PPP6R2: variants seen among roughly 807,000 people sequenced by gnomAD.
PPP6R2 encodes the protein protein phosphatase 6 regulatory subunit 2.
A neutral mutation model predicts 100.2 loss-of-function variants in PPP6R2; 62 were observed. The observed-to-expected ratio is 0.62, with a 90% confidence interval of 0.50 to 0.76. The LOEUF is 0.76. Among genes scored for constraint, PPP6R2 ranks in the 30% least tolerant of loss-of-function variants. The probability of loss-of-function intolerance (pLI) is 0.00; values close to 1 mark genes in which losing one functional copy is unlikely to be tolerated. For synonymous variants in PPP6R2, 525 were observed against 514.7 expected (o/e 1.02, Z -0.27); for missense variants, 1,142 against 1,276.3 (o/e 0.89, Z 1.60).
intron 2 of PPP6R2, among the ~76,000 whole-genome samples, chr22:50,384,030 C>T (rs549808731): frequency 6.9e-4 from 84 of 121,896 alleles, no homozygotes; most frequent in Admixed American, 3.3e-3. Flanking sequence ...AGCGAGACTC[C>T]ATCTCAAAAA....
chr22:50,435,303 G>C (rs2063984548), intron 13 of PPP6R2, among the ~76,000 whole-genome samples: 1 of 152,220 alleles, frequency 6.6e-6, no homozygotes, highest in African/African-American at 2.4e-5. Flanking sequence ...TGGAGACCCT[G>C]CCAGGCGTCA....
At chr22:50,442,177 C>T (rs772433164) in intron 22 of PPP6R2, among the ~76,000 whole-genome samples, 63 of 152,348 alleles carry the variant, frequency 4.1e-4, no homozygotes, top group South Asian at 4.1e-4. Context: ...ACCTGTACTA[C>T]CCTTCCCCCA....
In PPP6R2 at chr22:50,423,419, C is replaced by A; in HGVS notation, c.973-43C>A. Reference sequence around the variant, plus strand: ...CCCAGAGACTCCAGCAGTGGCCTCACTGCTCACAGGGCCTAACTGGGTGGT... The same window carrying A: ...CCCAGAGACTCCAGCAGTGGCCTCAATGCTCACAGGGCCTAACTGGGTGGT... On this transcript the variant is annotated intron_variant, in intron 9 of 23. Coordinates refer to ENST00000612753, the MANE Select transcript of PPP6R2 (RefSeq NM_001242898.2). This position sits in a 1 kb window ranked among gnomAD's most constrained non-coding sequence, Gnocchi z 4.8. 6.2e-7 allele frequency: 1 copy of A among 1,611,050 alleles called. No individual in the cohort carries two copies.
At chr22:50,370,960 C>G (rs2050078755) in intron 1 of PPP6R2, among the ~76,000 whole-genome samples, 1 of 152,130 alleles carries the variant, frequency 6.6e-6, no homozygotes, top group Admixed American at 6.5e-5. Flanking sequence ...TCTAAGAAAC[C>G]CTTTGTAGAG....
At chr22:50,409,816 T>G (rs930742793) in intron 4 of PPP6R2, among the ~76,000 whole-genome samples, 1 of 152,132 alleles carries the variant, frequency 6.6e-6, no homozygotes, top group African/African-American at 2.4e-5. Context: ...AACCTCTGCC[T>G]CCAGGGTTCA....
intron 3 of PPP6R2, among the ~76,000 whole-genome samples, chr22:50,401,498 G>A (rs1462344117): frequency 7.1e-6 from 1 of 141,448 alleles, no homozygotes; most frequent in Non-Finnish European, 1.5e-5. Context: ...GAGCCACCGC[G>A]CCAGGCCAAT....
At chr22:50,419,123 A>G (rs1303136698) in intron 7 of PPP6R2, 144 bp downstream of exon 7, 16 of 784,010 alleles carry the variant, frequency 2.0e-5, no homozygotes, top group Admixed American at 7.5e-5. Context: ...GCCCATGTTA[A>G]CTTGGGGCCT....
At chr22:50,334,799 C>T in the PPP6R2 span, among the ~76,000 whole-genome samples, 1 of 152,048 alleles carries the variant, frequency 6.6e-6, no homozygotes, top group Non-Finnish European at 1.5e-5. Flanking sequence ...AACTCTGTCT[C>T]TACTAAAAAT....
At chr22:50,357,583 C>T (rs2046879961) in intron 1 of PPP6R2, among the ~76,000 whole-genome samples, 1 of 151,874 alleles carries the variant, frequency 6.6e-6, no homozygotes, top group Admixed American at 6.6e-5. Flanking sequence ...CAGCTTCAAA[C>T]TCCTAGGATC....
intron 2 of PPP6R2, among the ~76,000 whole-genome samples, chr22:50,382,448 C>T (rs764871849): frequency 1.2e-4 from 18 of 150,758 alleles, no homozygotes; most frequent in Non-Finnish European, 2.4e-4. Context: ...AATACAAAAA[C>T]TAAGCCAGGC....
chr22:50,339,526 TGGTGTGTGG>T (rs2042344685), upstream of PPP6R2, among the ~76,000 whole-genome samples: 2 of 118,732 alleles, frequency 1.7e-5, no homozygotes, highest in African/African-American at 3.3e-5. Context: ...GTGTGGTATG[TGGTGTGTGG>T]TGTGTGTGTG....
At chr22:50,367,683 C>T (rs1476569080) in intron 1 of PPP6R2, among the ~76,000 whole-genome samples, 1 of 152,168 alleles carries the variant, frequency 6.6e-6, no homozygotes, top group Non-Finnish European at 1.5e-5. Flanking sequence ...GGATAAATTA[C>T]AATAAATATA....
At chr22:50,432,360 G>T (rs1002228889) in intron 12 of PPP6R2, 31 bp downstream of exon 12, 2 of 1,537,302 alleles carry the variant, frequency 1.3e-6, no homozygotes, top group Non-Finnish European at 1.8e-6. Flanking sequence ...GAGGGACCCA[G>T]CCTGGCCAGT....
intron 12 of PPP6R2, 134 bp from the exon 13 acceptor site, chr22:50,434,832 C>T (rs1173862616): frequency 1.0e-5 from 7 of 700,450 alleles, no homozygotes; most frequent in Middle Eastern, 2.6e-4. Flanking sequence ...GGGCCGGGGG[C>T]GCGGACACTG....
upstream of PPP6R2, among the ~76,000 whole-genome samples, chr22:50,339,556 G>GCAT (rs2042345638): frequency 8.2e-6 from 1 of 121,964 alleles, no homozygotes; most frequent in African/African-American, 3.2e-5. Context: ...GTGTGTGTGT[G>GCAT]GTGTGTGTGG....
chr22:50,354,687 A>G (rs2046069014), intron 1 of PPP6R2, among the ~76,000 whole-genome samples: 1 of 151,684 alleles, frequency 6.6e-6, no homozygotes. Context: ...TTAGCCGGGC[A>G]TGGTGGCAAG....
chr22:50,438,583 T>C lies in PPP6R2; in HGVS notation c.1965-16T>C, dbSNP rs777211234. On this transcript the variant is annotated splice_polypyrimidine_tract_variant and intron_variant, in intron 18 of 23. Coordinates refer to ENST00000612753, the MANE Select transcript of PPP6R2 (RefSeq NM_001242898.2). ...CGTCCTGGGCCACCAGACATCTGACTCTGAATCTCCCCCAGGTTTGGAGCC... is the reference window on the plus strand; with the variant it reads ...CGTCCTGGGCCACCAGACATCTGACCCTGAATCTCCCCCAGGTTTGGAGCC... 6.2e-7 allele frequency: 1 copy of C among 1,613,170 alleles called. No individual in the cohort carries two copies. Among genetic ancestry groups the C allele is most frequent in the Non-Finnish European group, 8.5e-7 (1 of 1,179,610 alleles).
intron 2 of PPP6R2, among the ~76,000 whole-genome samples, chr22:50,385,343 G>A (rs769109544): frequency 2.0e-5 from 3 of 148,098 alleles, no homozygotes; most frequent in African/African-American, 7.5e-5. Flanking sequence ...TTACAGACAC[G>A]CACTGCCATC....
At chr22:50,390,367 A>T (rs758466818) in intron 2 of PPP6R2, among the ~76,000 whole-genome samples, 6 of 152,220 alleles carry the variant, frequency 3.9e-5, no homozygotes, top group Non-Finnish European at 7.3e-5. Flanking sequence ...GTTAAAGGAC[A>T]TACCAAACAT....
Sources: allele counts gnomAD v4.1 joint callset (sites outside exome capture counted in the v4.1 genomes callset), GRCh38; gene constraint gnomAD v4.1.1; non-coding constraint Gnocchi (gnomAD v3.1); transcripts MANE v1.5; gene names NCBI Gene and HGNC (gene_info 2026-07-23, HGNC 2026-07-21).